The following MAML2 variants were observed in gnomAD, a reference collection of about 807,000 sequenced individuals.
MAML2 encodes the protein mastermind like transcriptional coactivator 2, also known as mastermind-like protein 2.
A neutral mutation model predicts 96.1 loss-of-function variants in MAML2; 22 were observed. That is an observed-to-expected ratio of 0.23 (90% CI 0.16 to 0.33). The LOEUF (loss-of-function observed/expected upper bound fraction) is 0.33, where lower values mean the gene tolerates loss of function less well. Ranked by LOEUF, MAML2 falls within the 10% of genes least tolerant of loss-of-function variation. The probability of loss-of-function intolerance (pLI) is 1.00; values close to 1 mark genes in which losing one functional copy is unlikely to be tolerated. For synonymous variants in MAML2, 561 were observed against 521.3 expected, an observed-to-expected ratio of 1.08 and a Z score of -1.04; for missense variants, 1,367 against 1,392.4, an observed-to-expected ratio of 0.98 and a Z score of 0.29.
At chr11:96,201,372 T>C (rs1410292641) in intron 1 of MAML2, among the ~76,000 whole-genome samples, 1 of 152,194 alleles carries the variant, frequency 6.6e-6, no homozygotes, top group South Asian at 2.1e-4. Flanking sequence ...CATTTTGCCA[T>C]GTACAATTCC....
chr11:96,029,690 G>GA (rs1858580853), intron 2 of MAML2, among the ~76,000 whole-genome samples: 1 of 152,080 alleles, frequency 6.6e-6, no homozygotes, highest in African/African-American at 2.4e-5. Flanking sequence ...CCATGGACTG[G>GA]AAACTCCCAC....
chr11:96,180,861 G>C (rs1431573790), intron 1 of MAML2, among the ~76,000 whole-genome samples: 4 of 151,980 alleles, frequency 2.6e-5, no homozygotes, highest in Non-Finnish European at 5.9e-5. Context: ...ATAAGGGTGG[G>C]GCCGTTTTAT....
At chr11:96,241,724 C>T (rs1280572484) in intron 1 of MAML2, among the ~76,000 whole-genome samples, 2 of 152,144 alleles carry the variant, frequency 1.3e-5, no homozygotes, top group African/African-American at 4.8e-5. Flanking sequence ...GAATTTAAGT[C>T]CTCCACTTCC....
chr11:96,253,054 T>C (rs1565263351), intron 1 of MAML2, among the ~76,000 whole-genome samples: 1 of 152,166 alleles, frequency 6.6e-6, no homozygotes, highest in Non-Finnish European at 1.5e-5. Context: ...TTAAAATTCT[T>C]TTGCATAATC....
chr11:96,298,489 T>C (rs1295759375), intron 1 of MAML2, among the ~76,000 whole-genome samples: 1 of 151,980 alleles, frequency 6.6e-6, no homozygotes, highest in Non-Finnish European at 1.5e-5. Flanking sequence ...GTATTCTCTG[T>C]TGGTAGGAGT....
chr11:96,024,461 T>C (rs771976393), intron 2 of MAML2, among the ~76,000 whole-genome samples: 1 of 152,264 alleles, frequency 6.6e-6, no homozygotes, highest in Non-Finnish European at 1.5e-5. Context: ...TAGCTTTTAT[T>C]ATCACAGAAT....
chr11:96,100,567 C>T (rs1188770139), intron 1 of MAML2, among the ~76,000 whole-genome samples: 1 of 152,032 alleles, frequency 6.6e-6, no homozygotes, highest in East Asian at 1.9e-4. Flanking sequence ...GCATCGGCCT[C>T]CCAAAGTGCT....
At chr11:96,322,459 G>C (rs545634662) in intron 1 of MAML2, among the ~76,000 whole-genome samples, 1 of 152,212 alleles carries the variant, frequency 6.6e-6, no homozygotes, top group Admixed American at 6.5e-5. Flanking sequence ...AGCACTTTGG[G>C]AGGCGGGCGG....
In MAML2 at chr11:96,121,125, G is replaced by A. The variant is rs74790185; in HGVS notation, c.514-27608C>T. ...ACTTTGGATGCTATTCCAGGTCACAGGCTCATTTCTGAGAGAGAGAGAAAG... is the reference window on the plus strand; with the variant it reads ...ACTTTGGATGCTATTCCAGGTCACAAGCTCATTTCTGAGAGAGAGAGAAAG... On this transcript the variant is annotated intron_variant, in intron 1 of 4. Coordinates refer to ENST00000524717, the MANE Select transcript of MAML2 (RefSeq NM_032427.4). 5.4e-3 allele frequency among the ~76,000 whole-genome samples: 816 copies of A among 152,176 alleles called. 5 individuals carry two copies. The highest frequency in any genetic ancestry group is 0.018 in the African/African-American group (758 of 41,512).
intron 1 of MAML2, among the ~76,000 whole-genome samples, chr11:96,201,924 A>AG (rs1454116509): frequency 2.1e-4 from 32 of 151,816 alleles, no homozygotes; most frequent in South Asian, 2.1e-4. Flanking sequence ...ATCTCAAAAA[A>AG]AAAAAGTCTC....
At position 96,091,908 on chromosome 11, in the gene MAML2, G is replaced by C. The variant is rs369832978; in HGVS notation, c.2123C>G (p.Ser708Cys). The C allele has an allele frequency of 1.9e-6, 3 of 1,613,430 alleles. No individual in the cohort carries two copies. The highest frequency in any genetic ancestry group is 2.5e-6 in the Non-Finnish European group (3 of 1,179,608). Reference protein sequence around the residue: ...QPIAGMGYQVSQQQRQDQHSV... With the variant: ...QPIAGMGYQVCQQQRQDQHSV... ...AGCCCTTACCTGTCTCTGTTGTTGG[G>C]AGACTTGGTATCCCATTCCTGCAAT... Residue 708 changes from serine to cysteine, a missense_variant, in exon 2 of 5, where the codon TCC becomes TGC. Physicochemically the swap from Ser to Cys is moderately radical, Grantham distance 112. Coordinates refer to ENST00000524717, the MANE Select transcript of MAML2 (RefSeq NM_032427.4).
intron 1 of MAML2, among the ~76,000 whole-genome samples, chr11:96,313,384 C>T (rs1258031484): frequency 6.6e-6 from 1 of 152,166 alleles, no homozygotes; most frequent in Non-Finnish European, 1.5e-5. Context: ...CATTCTGAGG[C>T]TCACTGGAAT....
intron 1 of MAML2, among the ~76,000 whole-genome samples, chr11:96,315,680 C>T (rs564879688): frequency 4.7e-4 from 71 of 152,272 alleles, no homozygotes; most frequent in Middle Eastern, 3.4e-3. Flanking sequence ...TCTCATCATG[C>T]GTGGTACCCA....
chr11:96,018,620 TAAGTC>T (rs1858390224), intron 2 of MAML2, among the ~76,000 whole-genome samples: 1 of 152,158 alleles, frequency 6.6e-6, no homozygotes, highest in Non-Finnish European at 1.5e-5. Context: ...ATGTTCCTGA[TAAGTC>T]AAGCTCCGTC....
chr11:95,978,023 G>C lies in MAML2; in HGVS notation c.*925C>G, dbSNP rs1053896389. ...CCTCAGTCATCAAAATGAGTAGGGA[G>C]GACGAGGTTCAATTTCACTCAGCTT... On this transcript the variant is annotated 3_prime_UTR_variant, in exon 5 of 5. Coordinates refer to ENST00000524717, the MANE Select transcript of MAML2 (RefSeq NM_032427.4). 3 of 219,592 alleles carry C rather than the reference G, an allele frequency of 1.4e-5. No homozygotes were observed. The highest frequency in any genetic ancestry group is 5.8e-5 in the Admixed American group (1 of 17,318). The allele number at this position is 219,592 out of a possible 1,614,324, so 13.6% of individuals were successfully genotyped here.
At chr11:96,054,151 T>G (rs1859028335) in intron 2 of MAML2, among the ~76,000 whole-genome samples, 1 of 152,192 alleles carries the variant, frequency 6.6e-6, no homozygotes, top group Non-Finnish European at 1.5e-5. Context: ...GGTTCTTATT[T>G]CTTAGGACAT....
chr11:96,263,597 A>C (rs986916385), intron 1 of MAML2, among the ~76,000 whole-genome samples: 2 of 152,256 alleles, frequency 1.3e-5, no homozygotes, highest in African/African-American at 4.8e-5. Context: ...CACTAATGAC[A>C]TACATTTATC....
At chr11:96,227,471 C>G (rs2135951784) in intron 1 of MAML2, among the ~76,000 whole-genome samples, 1 of 152,288 alleles carries the variant, frequency 6.6e-6, no homozygotes, top group African/African-American at 2.4e-5. Flanking sequence ...GCCTGGCACA[C>G]TGTGGTTGCA....
intron 2 of MAML2, among the ~76,000 whole-genome samples, chr11:96,027,141 C>T (rs1432765641): frequency 6.6e-6 from 1 of 152,218 alleles, no homozygotes; most frequent in African/African-American, 2.4e-5. Flanking sequence ...GAATTGGCTA[C>T]AGTCTCAAGA....
Sources: allele counts gnomAD v4.1 joint callset (sites outside exome capture counted in the v4.1 genomes callset), GRCh38; gene constraint gnomAD v4.1.1; transcripts MANE v1.5; gene names NCBI Gene and HGNC (gene_info 2026-07-23, HGNC 2026-07-21).